Variants in COL19A1 observed in about 807,000 individuals in gnomAD.
The protein encoded by COL19A1 is collagen alpha-1(XIX) chain.
A neutral mutation model predicts 190.2 loss-of-function variants in COL19A1; 159 were observed. That is an observed-to-expected ratio of 0.84 (90% CI 0.73 to 0.95). The LOEUF is 0.95. Among genes scored for constraint, COL19A1 ranks in the 40% least tolerant of loss-of-function variants. The pLI is 0.00. For synonymous variants in COL19A1, 509 were observed against 458.9 expected (o/e 1.11, Z -1.39); for missense variants, 1,418 against 1,431.9 (o/e 0.99, Z 0.16).
In COL19A1 at chr6:69,990,963, G is replaced by A. The variant is rs117517877; in HGVS notation, c.1026+28093G>A. ...ACATGAGTAAATTGTGTGTCACAGGGGTTTGGTGTACAGATTATTTTGTGA... is the reference window on the plus strand; with the variant it reads ...ACATGAGTAAATTGTGTGTCACAGGAGTTTGGTGTACAGATTATTTTGTGA... On this transcript the variant is annotated intron_variant, in intron 11 of 50. Coordinates refer to ENST00000620364, the MANE Select transcript of COL19A1 (RefSeq NM_001858.6). Among the ~76,000 whole-genome samples, 818 of 152,034 alleles carry A rather than the reference G, an allele frequency of 5.4e-3. 19 individuals are homozygous for A. In the East Asian group the frequency reaches 0.069, roughly 13 times the overall value.
chr6:69,956,500 A>T (rs779532044), intron 9 of COL19A1, among the ~76,000 whole-genome samples: 11 of 152,142 alleles, frequency 7.2e-5, no homozygotes, highest in Non-Finnish European at 1.3e-4. Context: ...AAAAAAATTT[A>T]AAAATATAGG....
intron 11 of COL19A1, among the ~76,000 whole-genome samples, chr6:70,018,231 G>A (rs562723288): frequency 5.3e-5 from 8 of 152,242 alleles, no homozygotes; most frequent in Middle Eastern, 3.4e-3. Flanking sequence ...TTTAAAATAA[G>A]TGAATTTGTA....
At chr6:70,173,717 G>A (rs760492994) in intron 41 of COL19A1, among the ~76,000 whole-genome samples, 6 of 152,210 alleles carry the variant, frequency 3.9e-5, no homozygotes, top group Non-Finnish European at 8.8e-5. Flanking sequence ...AATAGAGTCA[G>A]CAAGTCAGTA....
chr6:70,132,199 A>G (rs1785567449), intron 18 of COL19A1, among the ~76,000 whole-genome samples: 1 of 152,110 alleles, frequency 6.6e-6, no homozygotes, highest in African/African-American at 2.4e-5. Flanking sequence ...CAGAATTTAG[A>G]CCGGCCTGGA....
intron 18 of COL19A1, among the ~76,000 whole-genome samples, chr6:70,132,009 G>C (rs557291843): frequency 2.0e-5 from 3 of 152,210 alleles, no homozygotes; most frequent in South Asian, 4.1e-4. Flanking sequence ...ACACAGAAAA[G>C]TCTACAGGGA....
At chr6:70,017,175 T>C (rs1778159438) in intron 11 of COL19A1, among the ~76,000 whole-genome samples, 1 of 152,100 alleles carries the variant, frequency 6.6e-6, no homozygotes, top group African/African-American at 2.4e-5. Flanking sequence ...TACTTAGCCA[T>C]GCAACATGGG....
At chr6:70,200,757 G>A (rs538260608) in intron 49 of COL19A1, among the ~76,000 whole-genome samples, 1 of 152,266 alleles carries the variant, frequency 6.6e-6, no homozygotes, top group South Asian at 2.1e-4. Context: ...TTCTGAAAGA[G>A]CAACATCTGT....
At chr6:69,957,332 A>G (rs1447967411) in intron 9 of COL19A1, among the ~76,000 whole-genome samples, 3 of 152,094 alleles carry the variant, frequency 2.0e-5, no homozygotes, top group African/African-American at 7.2e-5. Flanking sequence ...TGTCCCAAAA[A>G]CTTCTCAAAG....
At chr6:70,068,880 C>G (rs1781399737) in intron 15 of COL19A1, among the ~76,000 whole-genome samples, 1 of 152,028 alleles carries the variant, frequency 6.6e-6, no homozygotes, top group Non-Finnish European at 1.5e-5. Context: ...TTTCATAACT[C>G]TCCTTTCATT....
chr6:69,981,053 T>C (rs544840818), intron 11 of COL19A1, among the ~76,000 whole-genome samples: 1 of 152,210 alleles, frequency 6.6e-6, no homozygotes, highest in African/African-American at 2.4e-5. Context: ...TTTTAAGTGG[T>C]ATAAGCTTTA....
intron 11 of COL19A1, among the ~76,000 whole-genome samples, chr6:69,988,875 T>C (rs1478537394): frequency 6.6e-6 from 1 of 152,190 alleles, no homozygotes; most frequent in Non-Finnish European, 1.5e-5. Context: ...GTTCAGCATG[T>C]TCAAAACAAA....
At chr6:70,165,218 T>C (rs561911012) in intron 36 of COL19A1, among the ~76,000 whole-genome samples, 76 of 152,220 alleles carry the variant, frequency 5.0e-4, no homozygotes, top group Non-Finnish European at 8.8e-4. Flanking sequence ...TATGGACCGA[T>C]AAACATCTAT....
chr6:69,958,914 T>C (rs1459493256), intron 9 of COL19A1, among the ~76,000 whole-genome samples: 1 of 152,244 alleles, frequency 6.6e-6, no homozygotes, highest in Non-Finnish European at 1.5e-5. Flanking sequence ...TTCAAATAAA[T>C]GATAGCTAAT....
intron 12 of COL19A1, among the ~76,000 whole-genome samples, chr6:70,029,409 A>G (rs566891106): frequency 6.6e-6 from 1 of 152,280 alleles, no homozygotes; most frequent in South Asian, 2.1e-4. Flanking sequence ...CATTACATGT[A>G]GAATCAACTA....
chr6:69,990,648 T>C (rs763302804), intron 11 of COL19A1, among the ~76,000 whole-genome samples: 78 of 152,036 alleles, frequency 5.1e-4, no homozygotes, highest in Non-Finnish European at 8.7e-4. Flanking sequence ...TACTTTAATA[T>C]GTTCCTCTCT....
intron 35 of COL19A1, among the ~76,000 whole-genome samples, chr6:70,162,952 T>G (rs973366405): frequency 1.3e-5 from 2 of 152,186 alleles, no homozygotes; most frequent in Non-Finnish European, 2.9e-5. Flanking sequence ...ATCATAGAAC[T>G]CAATATGCAC....
intron 11 of COL19A1, among the ~76,000 whole-genome samples, chr6:69,993,262 G>A (rs1776723946): frequency 1.3e-5 from 2 of 152,068 alleles, no homozygotes; most frequent in Non-Finnish European, 2.9e-5. Context: ...ATCACATTTA[G>A]TGATTTGCAT....
Position 70,163,370 on chromosome 6 carries a change from G to C in COL19A1, c.2374G>C (p.Gly792Arg). Residue 792 changes from glycine to arginine, a missense_variant, in exon 36 of 51, where the codon GGT becomes CGT. Gly to Arg is a moderately radical substitution (Grantham distance 125, BLOSUM62 -2). Coordinates refer to ENST00000620364, the MANE Select transcript of COL19A1 (RefSeq NM_001858.6). ...CTTAATGGGAAGAACTGGACATCCT[G>C]GTCCCACAGGAGCAAAAGGTGAAAA... ...PGLMGRTGHP[G>R]PTGAKGEKGS... 1.2e-6 allele frequency: 2 copies of C among 1,612,330 alleles called. No individual in the cohort carries two copies. The highest frequency in any genetic ancestry group is 1.7e-6 in the Non-Finnish European group (2 of 1,179,066).
chr6:70,061,833 G>T (rs186724102), intron 14 of COL19A1, among the ~76,000 whole-genome samples: 5 of 152,136 alleles, frequency 3.3e-5, no homozygotes, highest in African/African-American at 1.2e-4. Context: ...CCAAGATCGT[G>T]TCAGGCTTAT....
Sources: allele counts gnomAD v4.1 joint callset (sites outside exome capture counted in the v4.1 genomes callset), GRCh38; gene constraint gnomAD v4.1.1; transcripts MANE v1.5; gene names NCBI Gene and HGNC (gene_info 2026-07-23, HGNC 2026-07-21).